CSMD1: variants seen among roughly 807,000 people sequenced by gnomAD.
CSMD1 encodes CUB and sushi domain-containing protein 1.
In CSMD1, 213 loss-of-function variants were observed where a neutral mutation model predicts 417.5. That is an observed-to-expected ratio of 0.51 (90% CI 0.46 to 0.57). CSMD1 has a LOEUF of 0.57. Ranked by LOEUF, CSMD1 falls within the 20% of genes least tolerant of loss-of-function variation. The probability of loss-of-function intolerance (pLI) is 0.00; values close to 1 mark genes in which losing one functional copy is unlikely to be tolerated. For missense variants in CSMD1, 6,923 were observed against 4,529.7 expected (o/e 1.53, Z -15.17); for synonymous variants, 2,862 against 1,736.8 (o/e 1.65, Z -16.11).
At chr8:4,241,536 C>G (rs145962142) in intron 3 of CSMD1, among the ~76,000 whole-genome samples, 65 of 152,280 alleles carry the variant, frequency 4.3e-4, no homozygotes, top group African/African-American at 1.5e-3. Flanking sequence ...CTCTAGTGCA[C>G]CACTCTATGT....
intron 3 of CSMD1, among the ~76,000 whole-genome samples, chr8:4,135,376 GGGAAAGAGGGGGAAGGAAGGGGAAAGA>G (rs770096026): frequency 0.15 from 5,104 of 33,890 alleles, 331 homozygotes; most frequent in African/African-American, 0.32. Flanking sequence ...AGGGGAAAGT[GGGAAAGAGGGGGAAGGAAGGGGAAAGA>G]GGGAAAGAGG....
intron 5 of CSMD1, among the ~76,000 whole-genome samples, chr8:3,780,405 A>G (rs1423080221): frequency 6.6e-6 from 1 of 152,212 alleles, no homozygotes; most frequent in Non-Finnish European, 1.5e-5. Context: ...CCTTTTCAGC[A>G]CACATTATCA....
chr8:3,694,734 A>T (rs111805917), intron 7 of CSMD1, among the ~76,000 whole-genome samples: 1 of 151,898 alleles, frequency 6.6e-6, no homozygotes, highest in Non-Finnish European at 1.5e-5. Flanking sequence ...AGCAGGTGCC[A>T]TTCTGCTTCG....
intron 49 of CSMD1, among the ~76,000 whole-genome samples, chr8:3,071,138 G>A (rs372508399): frequency 6.6e-6 from 1 of 152,208 alleles, no homozygotes; most frequent in East Asian, 1.9e-4. Flanking sequence ...AAGCCATGAA[G>A]GATCCACCCG....
At chr8:3,584,446 C>T (rs915243437) in intron 9 of CSMD1, among the ~76,000 whole-genome samples, 1 of 152,092 alleles carries the variant, frequency 6.6e-6, no homozygotes, top group Non-Finnish European at 1.5e-5. Flanking sequence ...TATCTCTAAG[C>T]GTGAGTAGCT....
At chr8:3,366,871 G>A (rs1809606042) in intron 20 of CSMD1, among the ~76,000 whole-genome samples, 161 bp downstream of exon 20, 1 of 152,116 alleles carries the variant, frequency 6.6e-6, no homozygotes, top group African/African-American at 2.4e-5. Flanking sequence ...GCTTCGTGGA[G>A]GCTCAGCCTC....
At chr8:3,888,049 T>G (rs759763041) in intron 5 of CSMD1, among the ~76,000 whole-genome samples, 1 of 152,168 alleles carries the variant, frequency 6.6e-6, no homozygotes, top group African/African-American at 2.4e-5. Context: ...CAAAAGATAT[T>G]GGAAAATACT....
chr8:4,121,617 GT>G (rs1318202198), intron 3 of CSMD1, among the ~76,000 whole-genome samples: 2 of 102,010 alleles, frequency 2.0e-5, no homozygotes, highest in South Asian at 3.0e-4. Context: ...TAAACACCTA[GT>G]TTAAAAAAAA....
intron 26 of CSMD1, among the ~76,000 whole-genome samples, chr8:3,263,181 C>G (rs569885566): frequency 6.6e-6 from 1 of 152,284 alleles, no homozygotes; most frequent in South Asian, 2.1e-4. Flanking sequence ...TCACTGCAAC[C>G]CCTGCCTCCT....
chr8:4,363,576 A>G (rs13256449), intron 3 of CSMD1, among the ~76,000 whole-genome samples: 116,956 of 151,908 alleles, frequency 0.77, 45,111 homozygotes, highest in Admixed American at 0.85. Flanking sequence ...CAGGAGCGCC[A>G]TCTGCCTGGA....
chr8:4,296,514 A>G (rs1256169798), intron 3 of CSMD1, among the ~76,000 whole-genome samples: 1 of 152,088 alleles, frequency 6.6e-6, no homozygotes, highest in East Asian at 1.9e-4. Context: ...GAGAGGGTTT[A>G]TCTATTTCTG....
chr8:4,426,489 A>T (rs1227687990), intron 2 of CSMD1, among the ~76,000 whole-genome samples: 1 of 148,024 alleles, frequency 6.8e-6, no homozygotes, highest in Non-Finnish European at 1.5e-5. Flanking sequence ...TATGACATAT[A>T]TAGTAAAGTT....
intron 3 of CSMD1, among the ~76,000 whole-genome samples, chr8:4,081,748 T>C (rs1398021045): frequency 6.6e-6 from 1 of 152,174 alleles, no homozygotes; most frequent in Non-Finnish European, 1.5e-5. Context: ...AACAAGAGTA[T>C]TTTTTAAAGA....
intron 1 of CSMD1, among the ~76,000 whole-genome samples, chr8:4,786,643 G>A (rs957570294): frequency 6.6e-6 from 1 of 152,182 alleles, no homozygotes; most frequent in Admixed American, 6.5e-5. Context: ...ATCTGAGCCT[G>A]AATCCAATCT....
At chr8:3,646,673 A>G (rs112523280) in intron 7 of CSMD1, among the ~76,000 whole-genome samples, 3,031 of 152,280 alleles carry the variant, frequency 0.02, 63 homozygotes, top group Admixed American at 0.03. Context: ...CAAGACTTGC[A>G]TTGTTTCACA....
chr8:3,432,097 C>T (rs906727154), intron 12 of CSMD1, among the ~76,000 whole-genome samples: 1 of 152,128 alleles, frequency 6.6e-6, no homozygotes, highest in Non-Finnish European at 1.5e-5. Flanking sequence ...TCCCAGAACC[C>T]AGTTGGTAGT....
intron 2 of CSMD1, among the ~76,000 whole-genome samples, chr8:4,523,103 G>A (rs1774247821): frequency 6.6e-6 from 1 of 152,166 alleles, no homozygotes; most frequent in Non-Finnish European, 1.5e-5. Context: ...GTGGGTGGTA[G>A]TGGGCCAAAA....
chr8:4,255,752 G>A (rs58551888), intron 3 of CSMD1, among the ~76,000 whole-genome samples: 2 of 152,192 alleles, frequency 1.3e-5, no homozygotes, highest in African/African-American at 4.8e-5. Context: ...TTAAACAAAA[G>A]TTCTAAAATT....
intron 23 of CSMD1, among the ~76,000 whole-genome samples, chr8:3,328,918 G>A (rs1806712323): frequency 6.6e-6 from 1 of 152,194 alleles, no homozygotes; most frequent in African/African-American, 2.4e-5. Context: ...AAGACAGCAA[G>A]TATTTTATTA....
Sources: allele counts gnomAD v4.1 joint callset (sites outside exome capture counted in the v4.1 genomes callset), GRCh38; gene constraint gnomAD v4.1.1; transcripts MANE v1.5; gene names NCBI Gene and HGNC (gene_info 2026-07-23, HGNC 2026-07-21).